Variants in RBPMS observed in about 807,000 individuals in gnomAD.
RBPMS encodes the protein RNA-binding protein with multiple splicing.
Under a neutral mutation model 26.8 loss-of-function variants are expected in RBPMS, and 7 were observed. That is an observed-to-expected ratio of 0.26 (90% confidence interval 0.15 to 0.49). The LOEUF is 0.49. RBPMS is among the 20% of genes least tolerant of loss of function. RBPMS has a pLI of 0.98. For synonymous variants in RBPMS, 96 were observed against 93.3 expected, an observed-to-expected ratio of 1.03 and a Z score of -0.17; for missense variants, 186 against 250.0, an observed-to-expected ratio of 0.74 and a Z score of 1.73.
intron 5 of RBPMS, chr8:30,537,806 TTAC>T: frequency 2.8e-6 from 1 of 358,020 alleles, no homozygotes; most frequent in South Asian, 2.2e-5. Flanking sequence ...CCTACTGTTG[TTAC>T]TACTGCTATC....
chr8:30,410,143 T>TCAC (rs1554506724), intron 1 of RBPMS, among the ~76,000 whole-genome samples: 1 of 132,096 alleles, frequency 7.6e-6, no homozygotes, highest in Non-Finnish European at 1.6e-5. Context: ...TGACTTAAAA[T>TCAC]ACACACACAC....
intron 3 of RBPMS, among the ~76,000 whole-genome samples, chr8:30,478,879 A>AT (rs1474276685): frequency 2.0e-5 from 3 of 152,224 alleles, no homozygotes; most frequent in African/African-American, 7.2e-5. Context: ...GTGAGAGTCC[A>AT]GGGGTTTTAT....
At chr8:30,518,714 T>TTTTTTTTTA (rs1822651142) in intron 5 of RBPMS, among the ~76,000 whole-genome samples, 1 of 133,726 alleles carries the variant, frequency 7.5e-6, no homozygotes, top group Non-Finnish European at 1.6e-5. Context: ...TTTTTTTTTT[T>TTTTTTTTTA]TCTGAAAAGG....
At chr8:30,390,805 C>A (rs1807708689) in intron 1 of RBPMS, among the ~76,000 whole-genome samples, 1 of 152,160 alleles carries the variant, frequency 6.6e-6, no homozygotes, top group African/African-American at 2.4e-5. Flanking sequence ...ATGTTCAACA[C>A]CTACCCCAGC....
At chr8:30,553,383 T>C (rs1826558111) in intron 6 of RBPMS, 1 of 152,230 alleles carries the variant, frequency 6.6e-6, no homozygotes, top group Admixed American at 6.5e-5. Flanking sequence ...ACAATCTTTT[T>C]GTATTGCACA....
intron 5 of RBPMS, among the ~76,000 whole-genome samples, chr8:30,528,212 C>T (rs1412411114): frequency 2.6e-5 from 4 of 151,802 alleles, no homozygotes; most frequent in South Asian, 2.1e-4. Context: ...AAATGGTAAT[C>T]CTTGTTTAGT....
intron 5 of RBPMS, among the ~76,000 whole-genome samples, chr8:30,541,299 GTTCTTTCGT>G (rs1204918633): frequency 6.6e-6 from 1 of 152,152 alleles, no homozygotes; most frequent in Non-Finnish European, 1.5e-5. Context: ...ACGCTCTGCA[GTTCTTTCGT>G]TTCAAAGGGA....
At chr8:30,423,630 G>A (rs1400239840) in intron 1 of RBPMS, among the ~76,000 whole-genome samples, 1 of 151,760 alleles carries the variant, frequency 6.6e-6, no homozygotes, top group East Asian at 1.9e-4. Context: ...AGGGTGAATT[G>A]GTGGGGAGGA....
chr8:30,507,128 A>G (rs1821154806), intron 5 of RBPMS, among the ~76,000 whole-genome samples: 1 of 152,182 alleles, frequency 6.6e-6, no homozygotes, highest in Non-Finnish European at 1.5e-5. Context: ...AGGTGTTGCA[A>G]CTTAGCTGGG....
chr8:30,456,261 CCA>C (rs1815202771), intron 1 of RBPMS, among the ~76,000 whole-genome samples: 1 of 152,080 alleles, frequency 6.6e-6, no homozygotes, highest in Non-Finnish European at 1.5e-5. Flanking sequence ...GGTATACTCT[CCA>C]GCAAAGATGA....
At chr8:30,520,900 CGTT>C (rs1220169600) in intron 5 of RBPMS, among the ~76,000 whole-genome samples, 1 of 151,880 alleles carries the variant, frequency 6.6e-6, no homozygotes, top group Non-Finnish European at 1.5e-5. Context: ...AGTGGCTATA[CGTT>C]GTTATTTTCT....
chr8:30,557,414 T>A (rs1045957344), intron 6 of RBPMS, among the ~76,000 whole-genome samples: 1 of 152,148 alleles, frequency 6.6e-6, no homozygotes, highest in Non-Finnish European at 1.5e-5. Context: ...TGGGGCCTCA[T>A]CCTGGATTCT....
chr8:30,532,290 T>A (rs77621613), intron 5 of RBPMS, among the ~76,000 whole-genome samples: 1 of 152,288 alleles, frequency 6.6e-6, no homozygotes, highest in African/African-American at 2.4e-5. Flanking sequence ...TGACCCCAGA[T>A]CATCTGATGA....
At chr8:30,560,702 T>G (rs1201025832) in intron 7 of RBPMS, among the ~76,000 whole-genome samples, 1 of 152,166 alleles carries the variant, frequency 6.6e-6, no homozygotes, top group Non-Finnish European at 1.5e-5. Flanking sequence ...TCTCAGAGCC[T>G]TTATTACCAT....
chr8:30,473,876 G>A (rs1265695370), intron 1 of RBPMS, among the ~76,000 whole-genome samples: 1 of 152,134 alleles, frequency 6.6e-6, no homozygotes, highest in Non-Finnish European at 1.5e-5. Flanking sequence ...TCACAAGTGG[G>A]AGCTGAAGGA....
chr8:30,514,680 C>CTTTTCTTTTTTTTTT (rs1822105770), intron 5 of RBPMS, among the ~76,000 whole-genome samples: 1 of 82,650 alleles, frequency 1.2e-5, no homozygotes, highest in Non-Finnish European at 2.3e-5. Context: ...CCATGCCGGG[C>CTTTTCTTTTTTTTTT]TTTTTTTTTT....
At chr8:30,544,722 C>T (rs761333104) in intron 6 of RBPMS, 98 bp downstream of exon 6, 11 of 1,602,300 alleles carry the variant, frequency 6.9e-6, no homozygotes, top group African/African-American at 1.3e-5. Context: ...ACCTATCCAG[C>T]TAACAGATCC....
intron 6 of RBPMS, chr8:30,545,036 TGA>T: frequency 7.1e-7 from 1 of 1,416,336 alleles, no homozygotes; most frequent in Non-Finnish European, 9.2e-7. Flanking sequence ...TTCTGTGTGT[TGA>T]GAGTTTTCCA....
intron 4 of RBPMS, among the ~76,000 whole-genome samples, chr8:30,481,835 A>G (rs1235710945): frequency 1.3e-5 from 2 of 152,204 alleles, no homozygotes; most frequent in East Asian, 3.8e-4. Flanking sequence ...TAGTAGAGGT[A>G]TTAGAAATCT....
Sources: gnomAD v4.1 joint callset for allele counts (sites outside exome capture counted in the v4.1 genomes callset) on GRCh38, gnomAD v4.1.1 for gene constraint, MANE v1.5 for transcripts, NCBI Gene and HGNC (gene_info 2026-07-23, HGNC 2026-07-21) for gene names.